Variants in NCK1 observed in about 807,000 individuals in gnomAD.
NCK1 encodes the protein NCK adaptor protein 1.
Under a neutral mutation model 36.6 loss-of-function variants are expected in NCK1, and 19 were observed. That is an observed-to-expected ratio of 0.52 (90% CI 0.36 to 0.76). NCK1 has a LOEUF of 0.76. Among genes scored for constraint, NCK1 ranks in the 30% least tolerant of loss-of-function variants. The pLI, the probability that NCK1 is intolerant of heterozygous loss-of-function variation, is 0.00. For missense variants in NCK1, 358 were observed against 445.6 expected, an observed-to-expected ratio of 0.80 and a Z score of 1.77; for synonymous variants, 165 against 156.0, an observed-to-expected ratio of 1.06 and a Z score of -0.43.
At chr3:136,878,026 A>T (rs1938821917) in intron 1 of NCK1, among the ~76,000 whole-genome samples, 1 of 152,180 alleles carries the variant, frequency 6.6e-6, no homozygotes. Context: ...AACATGATGA[A>T]CCTTGAAAGC....
chr3:136,894,088 A>G (rs1446817077), intron 1 of NCK1, among the ~76,000 whole-genome samples: 1 of 152,174 alleles, frequency 6.6e-6, no homozygotes, highest in Non-Finnish European at 1.5e-5. Flanking sequence ...CCTAATAATC[A>G]GGGTCATTTA....
chr3:136,889,328 G>A lies in NCK1; in HGVS notation c.-19+26975G>A, dbSNP rs549827403. The A allele has an allele frequency of 8.7e-5, 14 of 160,060 alleles. No individual in the cohort carries two copies. In the East Asian group the frequency reaches 1.3e-3, roughly 15 times the overall value. The allele number at this position is 160,060 out of a possible 1,614,324, so 9.9% of individuals were successfully genotyped here. ...TGAGTGTTACAGCTGTTAAGGTGGCGCGTCTGGAGTTTGCTCCTTCTGATG... is the reference window on the plus strand; with the variant it reads ...TGAGTGTTACAGCTGTTAAGGTGGCACGTCTGGAGTTTGCTCCTTCTGATG... On this transcript the variant is annotated intron_variant, in intron 1 of 3. Transcript: ENST00000481752.
intron 1 of NCK1, among the ~76,000 whole-genome samples, chr3:136,872,622 G>A (rs1938656974): frequency 6.6e-6 from 1 of 152,254 alleles, no homozygotes; most frequent in South Asian, 2.1e-4. Flanking sequence ...TGCAGGGCGT[G>A]TCGGAGGTCT....
chr3:136,899,591 C>G (rs1939486289), intron 1 of NCK1: 1 of 623,224 alleles, frequency 1.6e-6, no homozygotes, highest in Admixed American at 2.1e-5. Context: ...AAATTTTCCT[C>G]TGTTGTACCG....
intron 1 of NCK1, among the ~76,000 whole-genome samples, chr3:136,882,195 A>C (rs1017438052): frequency 6.6e-6 from 1 of 151,788 alleles, no homozygotes. Flanking sequence ...TGTTTCCTGC[A>C]TGTTTTTTTA....
rs374482338 is a variant in NCK1, at chr3:136,868,817, GA to G, written c.-19+6465del. 5.9e-3 allele frequency among the ~76,000 whole-genome samples: 894 copies of G among 152,332 alleles called. 16 individuals are homozygous for G. The highest frequency in any genetic ancestry group is 0.021 in the African/African-American group (858 of 41,582). On this transcript the variant is annotated intron_variant, in intron 1 of 3. Transcript: ENST00000481752. ...GGCTTATCATATAACTAAATGCAGTGATCTAGCTGTAATGTTCTTTTTCTCT... is the reference window on the plus strand; with the variant it reads ...GGCTTATCATATAACTAAATGCAGTGTCTAGCTGTAATGTTCTTTTTCTCT...
Position 136,946,176 on chromosome 3 carries a change from A to C in NCK1, c.820A>C (p.Thr274Pro). ...PQCDYIRPSL[T>P]GKFAGNPWYY... ...GTGTGATTACATTAGGCCTTCACTC[A>C]CTGGAAAGTTTGCTGGCAATCCTTG... The change falls in exon 3 of 4, where the codon ACT (threonine) becomes CCT (proline). Residue 274 changes from threonine to proline, a missense_variant. Physicochemically the swap from Thr to Pro is conservative, Grantham distance 38 (BLOSUM62 -1). Around this residue, in one of 3 missense-constraint regions of NCK1, gnomAD observed 207 missense variants for 253.4 expected, o/e 0.82. Transcript: ENST00000481752. 1 of 1,613,536 alleles carries C rather than the reference A, an allele frequency of 6.2e-7. No homozygotes were observed. Among genetic ancestry groups the C allele is most frequent in the Non-Finnish European group, 8.5e-7 (1 of 1,179,888 alleles).
chr3:136,863,176 A>C (rs1396831806), intron 1 of NCK1, among the ~76,000 whole-genome samples: 1 of 152,136 alleles, frequency 6.6e-6, no homozygotes, highest in Non-Finnish European at 1.5e-5. Context: ...TTAGGTAAGA[A>C]GCCCTAGAAA....
At chr3:136,870,097 A>G (rs1938568860) in intron 1 of NCK1, among the ~76,000 whole-genome samples, 1 of 136,308 alleles carries the variant, frequency 7.3e-6, no homozygotes, top group Non-Finnish European at 1.5e-5. Context: ...CTGTAATCCC[A>G]TTGGGAGGCC....
intron 1 of NCK1, among the ~76,000 whole-genome samples, chr3:136,868,744 C>T (rs1938520687): frequency 6.6e-6 from 1 of 152,150 alleles, no homozygotes; most frequent in South Asian, 2.1e-4. Context: ...CTTTGGAGGC[C>T]TTGAATGTGG....
At position 136,948,244 on chromosome 3, in the gene NCK1, T is replaced by C; in HGVS notation, c.940-15T>C. On this transcript the variant is annotated splice_polypyrimidine_tract_variant and intron_variant, in intron 3 of 3. Transcript: ENST00000481752. ...TCAAAATGTTTACTATATGTATCTTTTTTTTCTCTTTTAGCCAAATGATTT... is the reference window on the plus strand; with the variant it reads ...TCAAAATGTTTACTATATGTATCTTCTTTTTCTCTTTTAGCCAAATGATTT... 6.4e-7 allele frequency: 1 copy of C among 1,567,734 alleles called. No individual in the cohort carries two copies. The highest frequency in any genetic ancestry group is 8.6e-7 in the Non-Finnish European group (1 of 1,161,564).
At chr3:136,891,822 T>G (rs1457352006) in intron 1 of NCK1, among the ~76,000 whole-genome samples, 1 of 152,262 alleles carries the variant, frequency 6.6e-6, no homozygotes, top group African/African-American at 2.4e-5. Context: ...CATGTGCTTA[T>G]TCACTGTTTG....
intron 2 of NCK1, among the ~76,000 whole-genome samples, chr3:136,940,499 C>G (rs183458787): frequency 1.3e-3 from 201 of 152,118 alleles, no homozygotes; most frequent in African/African-American, 4.6e-3. Context: ...TGGACTGATT[C>G]TTTTATCAAT....
At chr3:136,928,388 G>GGTC in intron 2 of NCK1, 161 bp downstream of exon 2, 1 of 646,920 alleles carries the variant, frequency 1.5e-6, no homozygotes, top group Non-Finnish European at 2.6e-6. Flanking sequence ...GACCAGTGAA[G>GGTC]GTCATAAGTG....
chr3:136,898,972 A>G (rs1417867398), intron 1 of NCK1: 1 of 153,342 alleles, frequency 6.5e-6, no homozygotes, highest in Non-Finnish European at 1.5e-5. Flanking sequence ...ATTCCTTTGT[A>G]TTACAATACC....
chr3:136,874,660 G>T (rs1938716319), intron 1 of NCK1, among the ~76,000 whole-genome samples: 1 of 152,014 alleles, frequency 6.6e-6, no homozygotes, highest in Non-Finnish European at 1.5e-5. Context: ...GACTCCCTTT[G>T]TCTTTCTCCT....
intron 1 of NCK1, among the ~76,000 whole-genome samples, chr3:136,906,792 TG>T (rs1939698384): frequency 6.6e-6 from 1 of 151,880 alleles, no homozygotes; most frequent in African/African-American, 2.4e-5. Flanking sequence ...CCAGCTGTGG[TG>T]GTAGAGGCAG....
At chr3:136,884,319 AT>A (rs1462372942) in intron 1 of NCK1, among the ~76,000 whole-genome samples, 6 of 152,242 alleles carry the variant, frequency 3.9e-5, no homozygotes, top group African/African-American at 1.4e-4. Context: ...TGTCATATGC[AT>A]TTGAAAGTTC....
intron 1 of NCK1, among the ~76,000 whole-genome samples, chr3:136,888,104 C>T (rs1012832051): frequency 6.6e-6 from 1 of 151,984 alleles, no homozygotes; most frequent in African/African-American, 2.4e-5. Context: ...GCCAGCACGC[C>T]TGGCTAATTT....
Sources: allele counts gnomAD v4.1 joint callset (sites outside exome capture counted in the v4.1 genomes callset), GRCh38; gene constraint gnomAD v4.1.1; regional missense constraint gnomAD v4.1.1; transcripts MANE v1.5; gene names NCBI Gene and HGNC (gene_info 2026-07-23, HGNC 2026-07-21).